Variants in THSD7B observed in about 807,000 individuals in gnomAD.
THSD7B encodes the protein thrombospondin type-1 domain-containing protein 7B.
A neutral mutation model predicts 213.6 loss-of-function variants in THSD7B; 138 were observed. The ratio of observed to expected loss-of-function variants is 0.65; its 90% CI spans 0.56 to 0.74. The LOEUF (loss-of-function observed/expected upper bound fraction) is 0.74, where lower values mean the gene tolerates loss of function less well. Ranked by LOEUF, THSD7B falls within the 30% of genes least tolerant of loss-of-function variation. THSD7B has a pLI of 0.00. For synonymous variants in THSD7B, 742 were observed against 687.0 expected (o/e 1.08, Z -1.25); for missense variants, 1,931 against 1,991.5 (o/e 0.97, Z 0.58).
intron 5 of THSD7B, among the ~76,000 whole-genome samples, chr2:137,123,741 C>G (rs1232518052): frequency 6.6e-6 from 1 of 152,128 alleles, no homozygotes; most frequent in East Asian, 1.9e-4. Context: ...GACAACTTTT[C>G]TTTCTGTTCC....
chr2:137,556,883 G>T (rs1285673107), intron 15 of THSD7B, among the ~76,000 whole-genome samples: 2 of 152,088 alleles, frequency 1.3e-5, no homozygotes, highest in Non-Finnish European at 2.9e-5. Context: ...AAAGGCAGGG[G>T]TTGCAATCCT....
intron 6 of THSD7B, among the ~76,000 whole-genome samples, chr2:137,162,560 G>A (rs1304771419): frequency 1.3e-5 from 2 of 152,180 alleles, no homozygotes. Context: ...GGTAGAAGCA[G>A]TTCTGAGGGT....
chr2:137,458,083 T>C (rs1687798913), intron 15 of THSD7B, among the ~76,000 whole-genome samples: 1 of 152,150 alleles, frequency 6.6e-6, no homozygotes, highest in Non-Finnish European at 1.5e-5. Context: ...AAATCAGGAC[T>C]GTAAGTGGAT....
At chr2:137,551,749 G>A (rs1263639363) in intron 15 of THSD7B, among the ~76,000 whole-genome samples, 1 of 152,024 alleles carries the variant, frequency 6.6e-6, no homozygotes, top group Non-Finnish European at 1.5e-5. Context: ...TAACAAACCA[G>A]GCGTGATGGG....
chr2:137,650,618 G>A (rs1683120606), intron 21 of THSD7B, among the ~76,000 whole-genome samples: 1 of 152,074 alleles, frequency 6.6e-6, no homozygotes, highest in African/African-American at 2.4e-5. Context: ...CCAGTATTAT[G>A]TTGAACAAAA....
In THSD7B at chr2:137,160,570, A is replaced by G. The variant is rs544247962; in HGVS notation, c.1525+202A>G. Among the ~76,000 whole-genome samples the G allele has an allele frequency of 7.9e-5, 12 of 152,318 alleles. No individual in the cohort carries two copies. The South Asian group carries it at 2.1e-3, about 26-fold the overall frequency. ...CACAATCTCACCTTGATTTACCTTC[A>G]GTTAGACTCATAGCTGACTACTACT... On this transcript the variant is annotated intron_variant, in intron 6 of 27. Coordinates refer to ENST00000409968, the MANE Select transcript of THSD7B (RefSeq NM_001316349.2).
intron 5 of THSD7B, among the ~76,000 whole-genome samples, chr2:137,147,167 G>A (rs984498457): frequency 6.6e-6 from 1 of 152,134 alleles, no homozygotes; most frequent in African/African-American, 2.4e-5. Flanking sequence ...TACTGGCTGT[G>A]ACATAGTGAA....
intron 1 of THSD7B, among the ~76,000 whole-genome samples, chr2:136,854,880 C>A (rs1683154188): frequency 6.6e-6 from 1 of 152,030 alleles, no homozygotes; most frequent in African/African-American, 2.4e-5. Flanking sequence ...TCTCTCTCCC[C>A]CATGTTTTCC....
intron 2 of THSD7B, among the ~76,000 whole-genome samples, chr2:136,950,157 C>T (rs931681871): frequency 6.6e-6 from 1 of 152,122 alleles, no homozygotes; most frequent in Non-Finnish European, 1.5e-5. Flanking sequence ...GAGGCTGAGG[C>T]AGGAGAATTG....
At chr2:137,546,717 T>A (rs1038240452) in intron 15 of THSD7B, among the ~76,000 whole-genome samples, 2 of 150,526 alleles carry the variant, frequency 1.3e-5, no homozygotes, top group Admixed American at 6.7e-5. Flanking sequence ...TTTTAACCTA[T>A]TATCAAGGCC....
rs766764877 is a variant in THSD7B, at chr2:137,659,645, G to A, written c.4376-19G>A. ...TCTAATAGAGAAATCTGCAAATGAT[G>A]GTGGAATTTCCTTTGCAGGAGGCTG... On this transcript the variant is annotated intron_variant, in intron 24 of 27. Coordinates refer to ENST00000409968, the MANE Select transcript of THSD7B (RefSeq NM_001316349.2). 3 of 1,577,710 alleles carry A rather than the reference G, an allele frequency of 1.9e-6. No homozygotes were observed. The highest frequency in any genetic ancestry group is 1.2e-5 in the South Asian group (1 of 85,048).
At chr2:137,483,978 C>T (rs998238699) in intron 15 of THSD7B, among the ~76,000 whole-genome samples, 7 of 151,682 alleles carry the variant, frequency 4.6e-5, no homozygotes, top group Non-Finnish European at 8.8e-5. Flanking sequence ...GGACATTATG[C>T]GATTCGTTCC....
At chr2:136,818,191 T>A (rs1481804776) in intron 1 of THSD7B, among the ~76,000 whole-genome samples, 1 of 150,714 alleles carries the variant, frequency 6.6e-6, no homozygotes, top group Non-Finnish European at 1.5e-5. Context: ...ATGTGGCACA[T>A]ATACACCATG....
chr2:137,331,881 G>GGGGCCGGCC lies in THSD7B; in HGVS notation c.2500+55858_2500+55866dup, dbSNP rs1327461101. Among the ~76,000 whole-genome samples, 8 of 152,122 alleles carry GGGGCCGGCC rather than the reference G, an allele frequency of 5.3e-5. No homozygotes were observed. The South Asian group carries it at 6.2e-4, about 12-fold the overall frequency. ...AAGCCCCTCATTGCCCGGGGCCGGCGGGGCCGGCCGGCTGCTCCAAGTGCG... is the reference window on the plus strand; with the variant it reads ...AAGCCCCTCATTGCCCGGGGCCGGCGGGGCCGGCCGGGCCGGCCGGCTGCTCCAAGTGCG... On this transcript the variant is annotated intron_variant, in intron 12 of 27. Coordinates refer to ENST00000409968, the MANE Select transcript of THSD7B (RefSeq NM_001316349.2).
chr2:137,387,763 T>C (rs1685928343), intron 12 of THSD7B, among the ~76,000 whole-genome samples: 1 of 152,120 alleles, frequency 6.6e-6, no homozygotes, highest in South Asian at 2.1e-4. Context: ...ACAGATAAAT[T>C]TTCTGTAATA....
chr2:137,549,083 T>G (rs1460435761), intron 15 of THSD7B, among the ~76,000 whole-genome samples: 1 of 152,000 alleles, frequency 6.6e-6, no homozygotes, highest in Non-Finnish European at 1.5e-5. Flanking sequence ...CTTTATTTCT[T>G]AGGTCACAAA....
chr2:137,602,405 G>A (rs374489175), intron 17 of THSD7B, among the ~76,000 whole-genome samples: 397 of 152,074 alleles, frequency 2.6e-3, no homozygotes, highest in Middle Eastern at 0.01. Context: ...AAGTAGGTGG[G>A]ACTATAGGCA....
chr2:137,197,805 A>C (rs1323779099), intron 7 of THSD7B, among the ~76,000 whole-genome samples: 1 of 152,182 alleles, frequency 6.6e-6, no homozygotes, highest in Admixed American at 6.5e-5. Flanking sequence ...TGTTTGTGAA[A>C]GCTGAAGCAT....
chr2:137,669,683 G>A (rs1288157716), intron 27 of THSD7B, among the ~76,000 whole-genome samples: 2 of 152,060 alleles, frequency 1.3e-5, no homozygotes, highest in Non-Finnish European at 2.9e-5. Context: ...AAGGTAATTA[G>A]ATAGTCTATC....
Sources: gnomAD v4.1 joint callset for allele counts (sites outside exome capture counted in the v4.1 genomes callset) on GRCh38, gnomAD v4.1.1 for gene constraint, MANE v1.5 for transcripts, NCBI Gene and HGNC (gene_info 2026-07-23, HGNC 2026-07-21) for gene names.